The following LEPROTL1 variants were observed in gnomAD, a reference collection of about 807,000 sequenced individuals.
The protein encoded by LEPROTL1 is leptin receptor overlapping transcript like 1.
Under a neutral mutation model 15.4 loss-of-function variants are expected in LEPROTL1, and 6 were observed. That is an observed-to-expected ratio of 0.39 (90% CI 0.21 to 0.77). LEPROTL1 has a LOEUF of 0.77. Among genes scored for constraint, LEPROTL1 ranks in the 30% least tolerant of loss-of-function variants. LEPROTL1 has a pLI of 0.41. For missense variants in LEPROTL1, 128 were observed against 158.1 expected, an observed-to-expected ratio of 0.81 and a Z score of 1.02; for synonymous variants, 56 against 52.6, an observed-to-expected ratio of 1.06 and a Z score of -0.28.
At chr8:30,099,436 A>G (rs11991528) in intron 1 of LEPROTL1, among the ~76,000 whole-genome samples, 2 of 145,784 alleles carry the variant, frequency 1.4e-5, no homozygotes, top group South Asian at 2.1e-4. Context: ...TACTAAAAAT[A>G]CAAAAAAAAA....
rs558917957 is a variant in LEPROTL1 at position 30,129,952 on chromosome 8, T to G, written c.280-2423T>G. Among the ~76,000 whole-genome samples the G allele has an allele frequency of 6.9e-4, 105 of 152,132 alleles. 1 individual carries two copies. Among genetic ancestry groups the G allele is most frequent in the Admixed American group, 5.2e-4 (8 of 15,270 alleles). ...AAGAGCGGGAAGGCGTTACGCACTT[T>G]TATAAACAACCAGATCATGTGAAAG... On this transcript the variant is annotated intron_variant, in intron 3 of 4. Coordinates refer to the LEPROTL1 transcript ENST00000442880.
chr8:30,137,491 C>G lies in LEPROTL1; in HGVS notation c.*179C>G, dbSNP rs886628971. On this transcript the variant is annotated 3_prime_UTR_variant, in exon 5 of 5. Transcript: ENST00000442880. ...AGGATTCCTGCTTTGCCCTCCCTCTCAGGCACAATGACAACTACTGCTCAG... is the reference window on the plus strand; with the variant it reads ...AGGATTCCTGCTTTGCCCTCCCTCTGAGGCACAATGACAACTACTGCTCAG... The G allele has an allele frequency of 1.9e-5, 29 of 1,551,304 alleles. No homozygotes were observed. The African/African-American group carries it at 3.0e-4, about 16-fold the overall frequency.
intron 1 of LEPROTL1, 126 bp from the exon 2 acceptor site, chr8:30,101,772 G>A: frequency 1.8e-6 from 1 of 568,670 alleles, no homozygotes; most frequent in Non-Finnish European, 3.1e-6. Context: ...ACTTCTGATG[G>A]CAACTTGCTA....
intron 2 of LEPROTL1, 27 bp downstream of exon 2, chr8:30,102,000 T>C: frequency 2.1e-6 from 3 of 1,432,176 alleles, no homozygotes; most frequent in Non-Finnish European, 2.9e-6. Context: ...TCTTTCTGAA[T>C]ATTTAAGGGT....
chr8:30,121,879 A>AG (rs1802833779), intron 3 of LEPROTL1, among the ~76,000 whole-genome samples: 1 of 150,662 alleles, frequency 6.6e-6, no homozygotes, highest in African/African-American at 2.4e-5. Context: ...CTTTAAAAAA[A>AG]AATTAGGCTG....
At position 30,107,158 on chromosome 8, in the gene LEPROTL1, C is replaced by T; in HGVS notation, c.*1296C>T. 1.0e-6 allele frequency: 1 copy of T among 985,312 alleles called. No individual in the cohort carries two copies. The highest frequency in any genetic ancestry group is 1.2e-6 in the Non-Finnish European group (1 of 829,804). The allele number at this position is 985,312 out of a possible 1,614,324, so 61.0% of individuals were successfully genotyped here. The stretch of plus-strand genomic sequence containing the variant: ...TTTTGAGTTCATCATGATAGATCTG[C>T]TGTTTCCTTATAAAAGGCATTTGTT... On this transcript the variant is annotated 3_prime_UTR_variant, in exon 4 of 4. Coordinates refer to ENST00000321250, the MANE Select transcript of LEPROTL1 (RefSeq NM_015344.3).
chr8:30,112,434 A>ATT (rs1802669077), downstream of LEPROTL1, among the ~76,000 whole-genome samples: 38 of 41,840 alleles, frequency 9.1e-4, no homozygotes, highest in East Asian at 2.1e-3. Context: ...TTTTTTTTGG[A>ATT]TTTTTGGTAG....
At chr8:30,134,571 T>C (rs1479999144) in intron 4 of LEPROTL1, among the ~76,000 whole-genome samples, 2 of 152,184 alleles carry the variant, frequency 1.3e-5, no homozygotes, top group Non-Finnish European at 2.9e-5. Context: ...AGACAGAGTC[T>C]CATTCTATGG....
At position 30,107,902 on chromosome 8, in the gene LEPROTL1, TG is replaced by T. The variant is rs1802595906; in HGVS notation, c.*2041del. 3.0e-6 allele frequency: 3 copies of T among 985,364 alleles called. No individual in the cohort carries two copies. Among genetic ancestry groups the T allele is most frequent in the Non-Finnish European group, 3.6e-6 (3 of 829,848 alleles). The allele number at this position is 985,364 out of a possible 1,614,324, so 61.0% of individuals were successfully genotyped here. ...TATATACTAACTGCATTGGCAGCAT[TG>T]TGTCTTTGACCTTGTATACTAGCTT... On this transcript the variant is annotated 3_prime_UTR_variant, in exon 4 of 4. Coordinates refer to ENST00000321250, the MANE Select transcript of LEPROTL1 (RefSeq NM_015344.3).
At chr8:30,101,383 A>G (rs1802463814) in intron 1 of LEPROTL1, among the ~76,000 whole-genome samples, 1 of 152,142 alleles carries the variant, frequency 6.6e-6, no homozygotes, top group Non-Finnish European at 1.5e-5. Flanking sequence ...AATCGGTGTC[A>G]CTGGCTGGAT....
At chr8:30,109,273 C>T (rs560138776), downstream of LEPROTL1, among the ~76,000 whole-genome samples, 13 of 152,224 alleles carry the variant, frequency 8.5e-5, no homozygotes, top group Middle Eastern at 3.4e-3. Context: ...AATTGAAATT[C>T]GTATTTCTTC....
rs1802576702 is a variant in LEPROTL1, at chr8:30,106,870, A to G, written c.*1008A>G. ...TATGTTGTATATATTACATAAAATAACTTTTCAAATATAGTTTAATAACAC... is the reference window on the plus strand; with the variant it reads ...TATGTTGTATATATTACATAAAATAGCTTTTCAAATATAGTTTAATAACAC... On this transcript the variant is annotated 3_prime_UTR_variant, in exon 4 of 4. Transcript: ENST00000321250. 5.1e-6 allele frequency: 5 copies of G among 983,172 alleles called. No homozygotes were observed. The highest frequency in any genetic ancestry group is 9.4e-5 in the South Asian group (2 of 21,252). The allele number at this position is 983,172 out of a possible 1,614,324, so 60.9% of individuals were successfully genotyped here. A position where few individuals can be genotyped will look rare whatever the true frequency, so the allele number is the denominator to read the frequency against.
chr8:30,100,563 C>CCT (rs1802449503), intron 1 of LEPROTL1, among the ~76,000 whole-genome samples: 1 of 152,184 alleles, frequency 6.6e-6, no homozygotes, highest in Admixed American at 6.5e-5. Context: ...AATTCTCCTG[C>CCT]CTCAGCCTCC....
intron 3 of LEPROTL1, chr8:30,131,764 G>A: frequency 1.5e-6 from 1 of 663,062 alleles, no homozygotes; most frequent in South Asian, 2.0e-5. Context: ...CTCAGTACCA[G>A]CAGAATAGCT....
At chr8:30,131,278 G>GTATA (rs376348977) in intron 3 of LEPROTL1, among the ~76,000 whole-genome samples, 1,036 of 95,022 alleles carry the variant, frequency 0.011, 12 homozygotes, top group East Asian at 0.036. Flanking sequence ...ATATGTGTGT[G>GTATA]TATATATATA....
intron 4 of LEPROTL1, among the ~76,000 whole-genome samples, chr8:30,135,990 AAC>A (rs964053276): frequency 1.3e-5 from 2 of 152,038 alleles, no homozygotes; most frequent in East Asian, 1.9e-4. Flanking sequence ...GAGAGAAAAC[AAC>A]AGTCTTCTAA....
intron 3 of LEPROTL1, among the ~76,000 whole-genome samples, chr8:30,114,987 T>A (rs1235935283): frequency 1.3e-5 from 2 of 152,158 alleles, no homozygotes; most frequent in Non-Finnish European, 2.9e-5. Context: ...AGCAAGACAG[T>A]TGACCGCCCT....
At position 30,119,877 on chromosome 8, in the gene LEPROTL1, T is replaced by A. The variant is rs115632572; in HGVS notation, c.280-12498T>A. Among the ~76,000 whole-genome samples the A allele has an allele frequency of 7.3e-3, 1,114 of 152,240 alleles. 23 individuals carry two copies. Among genetic ancestry groups the A allele is most frequent in the African/African-American group, 0.026 (1,067 of 41,536 alleles). Reference sequence around the variant, plus strand: ...TCAGGACAGGAGTTCAGGACCAGCCTGGCCAACATGGCAAAATGCCGTCTC... The same window carrying A: ...TCAGGACAGGAGTTCAGGACCAGCCAGGCCAACATGGCAAAATGCCGTCTC... On this transcript the variant is annotated intron_variant, in intron 3 of 4. Coordinates refer to the LEPROTL1 transcript ENST00000442880.
At chr8:30,098,596 T>G (rs1392043176) in intron 1 of LEPROTL1, among the ~76,000 whole-genome samples, 1 of 152,228 alleles carries the variant, frequency 6.6e-6, no homozygotes, top group Non-Finnish European at 1.5e-5. Flanking sequence ...TAACAGTACC[T>G]TTAGTGTTCA....
Sources: allele counts gnomAD v4.1 joint callset (sites outside exome capture counted in the v4.1 genomes callset), GRCh38; gene constraint gnomAD v4.1.1; transcripts MANE v1.5; gene names NCBI Gene and HGNC (gene_info 2026-07-23, HGNC 2026-07-21).